The following EYA4 variants were observed in gnomAD, a reference collection of about 807,000 sequenced individuals.
EYA4 encodes EYA transcriptional coactivator and phosphatase 4.
In EYA4, 31 loss-of-function variants were observed where a neutral mutation model predicts 87.9. The observed-to-expected ratio is 0.35, with a 90% confidence interval of 0.27 to 0.48. EYA4 has a LOEUF of 0.48. EYA4 is among the 20% of genes least tolerant of loss of function. The pLI is 0.99. For missense variants in EYA4, 678 were observed against 761.4 expected, an observed-to-expected ratio of 0.89 and a Z score of 1.29; for synonymous variants, 263 against 270.6, an observed-to-expected ratio of 0.97 and a Z score of 0.28.
At chr6:133,515,136 T>C (rs1347217109) in intron 16 of EYA4, among the ~76,000 whole-genome samples, 185 bp from the exon 17 acceptor site, 2 of 152,222 alleles carry the variant, frequency 1.3e-5, no homozygotes, top group East Asian at 1.9e-4. Flanking sequence ...TAAATATTCA[T>C]TGACGGAATC....
intron 2 of EYA4, among the ~76,000 whole-genome samples, chr6:133,327,576 T>C (rs1343820564): frequency 1.3e-5 from 2 of 152,276 alleles, no homozygotes; most frequent in South Asian, 4.1e-4. Context: ...AAACTAATGC[T>C]AACTGGATTG....
rs191989691 is a variant in EYA4, at chr6:133,487,620, C to T, written c.1191+4505C>T. Among the ~76,000 whole-genome samples the T allele has an allele frequency of 3.3e-5, 5 of 152,280 alleles. No homozygotes were observed. The East Asian group carries it at 5.8e-4, about 18-fold the overall frequency. On this transcript the variant is annotated intron_variant, in intron 13 of 19. Coordinates refer to ENST00000355286, the MANE Select transcript of EYA4 (RefSeq NM_004100.5). ...GGTTCTGAGATAACATTTCTACACA[C>T]GCCCTGAAGGAAGCTTGCTTCCTTG...
At chr6:133,322,622 C>CA (rs1455425791) in intron 2 of EYA4, among the ~76,000 whole-genome samples, 3 of 151,912 alleles carry the variant, frequency 2.0e-5, no homozygotes, top group Non-Finnish European at 4.4e-5. Context: ...CCTAATTTTC[C>CA]AAAAAACAGC....
intron 1 of EYA4, among the ~76,000 whole-genome samples, chr6:133,254,325 G>A (rs1339040373): frequency 6.6e-6 from 1 of 152,104 alleles, no homozygotes; most frequent in Non-Finnish European, 1.5e-5. Context: ...TTGAGAGAAA[G>A]CATGTTCTGT....
chr6:133,439,917 C>T (rs1583284077), intron 3 of EYA4, among the ~76,000 whole-genome samples: 1 of 152,176 alleles, frequency 6.6e-6, no homozygotes, highest in Non-Finnish European at 1.5e-5. Context: ...AAGGTTATCT[C>T]CCAGGAATTG....
At chr6:133,290,906 C>A (rs1778436658) in intron 2 of EYA4, among the ~76,000 whole-genome samples, 1 of 152,118 alleles carries the variant, frequency 6.6e-6, no homozygotes, top group Admixed American at 6.5e-5. Flanking sequence ...CAGCCCCAGC[C>A]TCCCTGAAAA....
At chr6:133,324,227 G>A (rs1000178339) in intron 2 of EYA4, among the ~76,000 whole-genome samples, 1 of 152,058 alleles carries the variant, frequency 6.6e-6, no homozygotes, top group African/African-American at 2.4e-5. Context: ...ATTATATAGT[G>A]CATCTCTTTA....
chr6:133,250,978 T>C (rs748572295), intron 1 of EYA4, among the ~76,000 whole-genome samples: 18 of 152,056 alleles, frequency 1.2e-4, no homozygotes, highest in South Asian at 4.2e-4. Flanking sequence ...ATAAATGGAG[T>C]GTCCAGTAGT....
intron 13 of EYA4, among the ~76,000 whole-genome samples, chr6:133,486,701 A>T (rs1168795898): frequency 6.6e-6 from 1 of 152,302 alleles, no homozygotes; most frequent in East Asian, 1.9e-4. Context: ...GAGTGGGAGA[A>T]TTGGAAAGAG....
At chr6:133,253,080 G>C (rs1307435915) in intron 1 of EYA4, among the ~76,000 whole-genome samples, 3 of 151,982 alleles carry the variant, frequency 2.0e-5, no homozygotes, top group African/African-American at 7.3e-5. Context: ...AGCATACTGT[G>C]TTTGACCAAA....
In EYA4 at chr6:133,450,221, G is replaced by A. The variant is rs531921868; in HGVS notation, c.277+2042G>A. Among the ~76,000 whole-genome samples, 27 of 152,226 alleles carry A rather than the reference G, an allele frequency of 1.8e-4. No homozygotes were observed. The East Asian group carries it at 3.7e-3, about 21-fold the overall frequency. Reference sequence around the variant, plus strand: ...AGGGCGGTCTCGATCTCCTGACTTCGTGATCGGCCCGCCTCAGCCTCCCGA... The same window carrying A: ...AGGGCGGTCTCGATCTCCTGACTTCATGATCGGCCCGCCTCAGCCTCCCGA... On this transcript the variant is annotated intron_variant, in intron 5 of 19. Coordinates refer to ENST00000355286, the MANE Select transcript of EYA4 (RefSeq NM_004100.5).
intron 2 of EYA4, among the ~76,000 whole-genome samples, chr6:133,379,512 CT>C (rs1161778251): frequency 6.6e-6 from 1 of 151,978 alleles, no homozygotes; most frequent in Non-Finnish European, 1.5e-5. Flanking sequence ...ATAAAATAAC[CT>C]TTTTTGTCTT....
intron 19 of EYA4, chr6:133,525,947 C>T: frequency 1.0e-6 from 1 of 984,690 alleles, no homozygotes; most frequent in Non-Finnish European, 1.2e-6. Flanking sequence ...TTTGGTGAGC[C>T]AGTGGTACTT....
intron 3 of EYA4, among the ~76,000 whole-genome samples, chr6:133,404,812 G>C (rs1447176287): frequency 6.6e-6 from 1 of 152,190 alleles, no homozygotes. Context: ...CCACCTTAAA[G>C]TGGATTGCTT....
At position 133,320,137 on chromosome 6, in the gene EYA4, C is replaced by CT. The variant is rs764354283; in HGVS notation, c.33+45338dup. The stretch of plus-strand genomic sequence containing the variant: ...TCTATTGAGTTTTCGATGACCATTC[C>CT]TTTTTTTTTTTTTTGCTCCTTTTTT... On this transcript the variant is annotated intron_variant, in intron 2 of 19. Coordinates refer to ENST00000355286, the MANE Select transcript of EYA4 (RefSeq NM_004100.5). Among the ~76,000 whole-genome samples, 306 of 135,438 alleles carry CT rather than the reference C, an allele frequency of 2.3e-3. 1 individual carries two copies. The highest frequency in any genetic ancestry group is 5.9e-3 in the East Asian group (28 of 4,752). 88.9% of individuals were successfully genotyped at this position (135,438 alleles called of 152,430 possible).
At chr6:133,351,725 G>A (rs2128426439) in intron 2 of EYA4, among the ~76,000 whole-genome samples, 1 of 152,108 alleles carries the variant, frequency 6.6e-6, no homozygotes. Context: ...AAGGGTGTTG[G>A]GTACAAGTTC....
At chr6:133,285,263 G>A (rs755853325) in intron 2 of EYA4, among the ~76,000 whole-genome samples, 4 of 152,016 alleles carry the variant, frequency 2.6e-5, no homozygotes, top group Non-Finnish European at 4.4e-5. Context: ...CCCAAGCTGC[G>A]GTTTTTGGAG....
At chr6:133,521,224 G>C (rs1224279997) in intron 17 of EYA4, among the ~76,000 whole-genome samples, 13 of 151,950 alleles carry the variant, frequency 8.6e-5, no homozygotes, top group East Asian at 3.9e-4. Flanking sequence ...ATCTGACAAA[G>C]GGCTGATATC....
intron 2 of EYA4, among the ~76,000 whole-genome samples, chr6:133,294,064 A>G (rs1459726513): frequency 4.5e-5 from 2 of 44,342 alleles, no homozygotes; most frequent in Non-Finnish European, 9.2e-5. Context: ...TATATATATA[A>G]TTCTATTCTA....
Sources: allele counts gnomAD v4.1 joint callset (sites outside exome capture counted in the v4.1 genomes callset), GRCh38; gene constraint gnomAD v4.1.1; transcripts MANE v1.5; gene names NCBI Gene and HGNC (gene_info 2026-07-23, HGNC 2026-07-21).